Variants in KCNIP4 observed in about 807,000 individuals in gnomAD.
KCNIP4 encodes the protein Kv channel-interacting protein 4.
Under a neutral mutation model 34.0 loss-of-function variants are expected in KCNIP4, and 12 were observed. The observed-to-expected ratio is 0.35, with a 90% CI of 0.23 to 0.57. The LOEUF (loss-of-function observed/expected upper bound fraction) is 0.57. Among genes scored for constraint, KCNIP4 ranks in the 20% least tolerant of loss-of-function variants. The pLI is 0.83. For synonymous variants in KCNIP4, 124 were observed against 102.2 expected (o/e 1.21, Z -1.29); for missense variants, 238 against 311.7 (o/e 0.76, Z 1.78).
At chr4:21,296,036 G>A (rs1181143881) in intron 1 of KCNIP4, among the ~76,000 whole-genome samples, 2 of 152,124 alleles carry the variant, frequency 1.3e-5, no homozygotes, top group African/African-American at 4.8e-5. Flanking sequence ...CAAGAATGGA[G>A]GCTTTATCTG....
chr4:21,282,650 A>C (rs1360130304), intron 1 of KCNIP4, among the ~76,000 whole-genome samples: 2 of 152,180 alleles, frequency 1.3e-5, no homozygotes, highest in Non-Finnish European at 2.9e-5. Context: ...GTAGAGCATG[A>C]AATATTTTTT....
intron 1 of KCNIP4, among the ~76,000 whole-genome samples, chr4:21,708,785 G>A (rs1713488275): frequency 6.6e-6 from 1 of 152,138 alleles, no homozygotes; most frequent in South Asian, 2.1e-4. Flanking sequence ...TCAACCGCAA[G>A]CAATCCTGTG....
intron 1 of KCNIP4, among the ~76,000 whole-genome samples, chr4:21,284,039 C>T (rs1393098684): frequency 6.6e-6 from 1 of 151,770 alleles, no homozygotes; most frequent in African/African-American, 2.4e-5. Context: ...CGGTGAAACC[C>T]CATCTCTACC....
chr4:21,267,991 G>A (rs949901473), intron 1 of KCNIP4, among the ~76,000 whole-genome samples: 1 of 151,904 alleles, frequency 6.6e-6, no homozygotes, highest in Non-Finnish European at 1.5e-5. Context: ...GACTCTTTTT[G>A]GTTGGTATGC....
chr4:21,064,718 G>A (rs1437638955), intron 1 of KCNIP4, among the ~76,000 whole-genome samples: 2 of 152,040 alleles, frequency 1.3e-5, no homozygotes, highest in African/African-American at 4.8e-5. Flanking sequence ...GCTATTCAAG[G>A]GCCAGGGATT....
At chr4:20,867,515 A>G (rs1488952389) in intron 2 of KCNIP4, among the ~76,000 whole-genome samples, 1 of 152,166 alleles carries the variant, frequency 6.6e-6, no homozygotes, top group Admixed American at 6.6e-5. Context: ...AACATATACT[A>G]AAGTTAACTC....
rs1718314389 is a variant in KCNIP4, at chr4:21,354,130, C to A, written c.62-471421G>T. Among the ~76,000 whole-genome samples the A allele has an allele frequency of 3.3e-5, 5 of 152,264 alleles. No individual in the cohort carries two copies. The South Asian group carries it at 1.0e-3, about 32-fold the overall frequency. On this transcript the variant is annotated intron_variant, in intron 1 of 8. Coordinates refer to ENST00000382152, the MANE Select transcript of KCNIP4 (RefSeq NM_025221.6). ...TTTTGTCACCACCAGGCCTGCCCTA[C>A]AAGACCTCCTGAAGGAAGCAATAAA...
rs186882788 is a variant in KCNIP4, at chr4:20,947,276, C to T, written c.62-64567G>A. On this transcript the variant is annotated intron_variant, in intron 1 of 8. Coordinates refer to ENST00000382152, the MANE Select transcript of KCNIP4 (RefSeq NM_025221.6). ...CTCCGCCTCCCAGCTTCAAGTGATC[C>T]TCCCACCTCAGCCTTCTGAGTAGCT... Among the ~76,000 whole-genome samples the T allele has an allele frequency of 3.6e-3, 554 of 152,300 alleles. 7 individuals are homozygous for T. Among genetic ancestry groups the T allele is most frequent in the African/African-American group, 0.013 (530 of 41,560 alleles).
At chr4:21,044,453 A>G (rs1742257463) in intron 1 of KCNIP4, among the ~76,000 whole-genome samples, 1 of 152,084 alleles carries the variant, frequency 6.6e-6, no homozygotes, top group Non-Finnish European at 1.5e-5. Flanking sequence ...CTGGGACTAG[A>G]GGCACCTGCC....
chr4:21,712,204 C>A (rs565430433), intron 1 of KCNIP4, among the ~76,000 whole-genome samples: 1 of 152,092 alleles, frequency 6.6e-6, no homozygotes, highest in African/African-American at 2.4e-5. Flanking sequence ...TAATCCTTCC[C>A]GTTCTAAAAT....
At chr4:21,416,840 T>G (rs1724988169) in intron 1 of KCNIP4, among the ~76,000 whole-genome samples, 1 of 152,136 alleles carries the variant, frequency 6.6e-6, no homozygotes, top group Non-Finnish European at 1.5e-5. Context: ...TGGGAAGAAT[T>G]CCACTTGTTC....
chr4:21,394,391 G>T (rs1212173994), intron 1 of KCNIP4, among the ~76,000 whole-genome samples: 1 of 152,088 alleles, frequency 6.6e-6, no homozygotes, highest in Non-Finnish European at 1.5e-5. Flanking sequence ...GAGTAGTTAA[G>T]TGACCCAGAA....
intron 3 of KCNIP4, among the ~76,000 whole-genome samples, chr4:20,808,832 C>T (rs1311348328): frequency 6.6e-6 from 1 of 152,194 alleles, no homozygotes; most frequent in Non-Finnish European, 1.5e-5. Flanking sequence ...TTTGGAGCCA[C>T]TCTCCCCCAT....
chr4:21,925,138 G>A (rs1729163626), intron 1 of KCNIP4, among the ~76,000 whole-genome samples: 1 of 151,634 alleles, frequency 6.6e-6, no homozygotes, highest in Admixed American at 6.6e-5. Flanking sequence ...CAACGTGCAG[G>A]TTTGTTACAT....
chr4:21,421,789 G>T (rs559475275), intron 1 of KCNIP4, among the ~76,000 whole-genome samples: 2 of 152,176 alleles, frequency 1.3e-5, no homozygotes, highest in African/African-American at 4.8e-5. Context: ...TGAGGTGATA[G>T]ATATTTTAAT....
intron 1 of KCNIP4, among the ~76,000 whole-genome samples, chr4:21,394,215 T>C (rs1297168068): frequency 6.6e-6 from 1 of 152,156 alleles, no homozygotes; most frequent in Non-Finnish European, 1.5e-5. Flanking sequence ...AAAGGCAATG[T>C]CTCTTTTACT....
intron 2 of KCNIP4, among the ~76,000 whole-genome samples, chr4:20,851,213 T>C (rs772917376): frequency 5.7e-4 from 87 of 152,236 alleles, no homozygotes; most frequent in Non-Finnish European, 7.5e-4. Context: ...GTGCCCAGCA[T>C]GTGTTGTTCC....
At chr4:21,516,393 C>G (rs1202768538) in intron 1 of KCNIP4, among the ~76,000 whole-genome samples, 2 of 152,102 alleles carry the variant, frequency 1.3e-5, no homozygotes, top group African/African-American at 4.8e-5. Context: ...TAAGTCCTAC[C>G]ACAACAATCA....
intron 1 of KCNIP4, among the ~76,000 whole-genome samples, chr4:21,215,811 G>GT: frequency 6.6e-6 from 1 of 152,156 alleles, no homozygotes; most frequent in African/African-American, 2.4e-5. Context: ...TGTTGTTGTT[G>GT]TTGTTTGTTT....
Sources: gnomAD v4.1 joint callset for allele counts (sites outside exome capture counted in the v4.1 genomes callset) on GRCh38, gnomAD v4.1.1 for gene constraint, MANE v1.5 for transcripts, NCBI Gene and HGNC (gene_info 2026-07-23, HGNC 2026-07-21) for gene names.